Variants in AATK observed in about 807,000 individuals in gnomAD.
AATK encodes the protein lemur tail kinase 1, also known as serine/threonine-protein kinase LMTK1.
In AATK, 91 loss-of-function variants were observed where a neutral mutation model predicts 114.3. That is an observed-to-expected ratio of 0.80 (90% confidence interval 0.67 to 0.95). AATK has a LOEUF of 0.95. Among genes scored for constraint, AATK ranks in the 40% least tolerant of loss-of-function variants. The probability of loss-of-function intolerance (pLI) is 0.00; values close to 1 mark genes in which losing one functional copy is unlikely to be tolerated. For missense variants in AATK, 2,176 were observed against 1,965.2 expected, an observed-to-expected ratio of 1.11 and a Z score of -2.03; for synonymous variants, 1,075 against 916.5, an observed-to-expected ratio of 1.17 and a Z score of -3.12.
chr17:81,120,054 G>A lies in AATK; in HGVS notation c.3765C>T (p.Pro1255=). ...GGGGCGATTCCTTGGCGCCCGGGAA[G>A]GGCTCCCCGAGCTCCCGGGTGGGGC... ...QESPTRELGE[P]FPGAKESPPT... The change falls in exon 12 of 14, where the codon CCC becomes CCT. Residue 1255 remains proline, a synonymous_variant. Transcript: ENST00000326724. The A allele has an allele frequency of 6.9e-7, 1 of 1,457,474 alleles. No individual in the cohort carries two copies. The highest frequency in any genetic ancestry group is 1.4e-5 in the South Asian group (1 of 73,272). The allele number at this position is 1,457,474 out of a possible 1,614,324, so 90.3% of individuals were successfully genotyped here.
chr17:81,128,620 G>A (rs1258458174), intron 3 of AATK, 71 bp from the exon 4 acceptor site: 1 of 1,541,462 alleles, frequency 6.5e-7, no homozygotes, highest in Non-Finnish European at 8.8e-7. Flanking sequence ...CCCGGCCCCT[G>A]GAGGGGCTGC....
Position 81,119,965 on chromosome 17 carries a change from C to T in AATK, c.3854G>A (p.Gly1285Asp). ...TTCCGCTGTGGAGCCATTTGGGGAGCCATCAGCCTGCTGCGGCCGGTTGGG... is the reference window on the plus strand; with the variant it reads ...TTCCGCTGTGGAGCCATTTGGGGAGTCATCAGCCTGCTGCGGCCGGTTGGG... Reference protein sequence around the residue: ...SAPNRPQQADGSPNGSTAEEG... With the variant: ...SAPNRPQQADDSPNGSTAEEG... The change falls in exon 12 of 14, where the codon GGC (glycine) becomes GAC (aspartate). Residue 1285 changes from glycine to aspartate, a missense_variant. Transcript: ENST00000326724. 1 of 1,449,604 alleles carries T rather than the reference C, an allele frequency of 6.9e-7. No homozygotes were observed. 89.8% of individuals were successfully genotyped at this position (1,449,604 alleles called of 1,614,324 possible).
chr17:81,118,546 G>A, intron 13 of AATK, 104 bp from the exon 14 acceptor site: 2 of 1,222,882 alleles, frequency 1.6e-6, no homozygotes, highest in Non-Finnish European at 2.3e-6. Context: ...TACAGGCCGG[G>A]CCCCTTCCCT....
Position 81,165,989 on chromosome 17 carries a change from A to ACATGGCC in AATK, c.-4_3dup (p.Ser2GlyfsTer57), listed in dbSNP as rs1280421784. 1.6e-5 allele frequency: 25 copies of ACATGGCC among 1,577,676 alleles called. No individual in the cohort carries two copies. Among genetic ancestry groups the ACATGGCC allele is most frequent in the Non-Finnish European group, 2.1e-5 (25 of 1,164,234 alleles). ...AAGCTGGGGTTGAAGAAGGACGACGACATGGCCGGGCCAGCGGCCGGCGGG... is the reference window on the plus strand; with the variant it reads ...AAGCTGGGGTTGAAGAAGGACGACGACATGGCCCATGGCCGGGCCAGCGGCCGGCGGG... On this transcript the variant is annotated frameshift_variant, in exon 1 of 14. Coordinates refer to ENST00000326724, the MANE Select transcript of AATK (RefSeq NM_001080395.3). LOFTEE classifies it high-confidence loss of function.
chr17:81,124,694 G>A (rs200825644), intron 9 of AATK, 33 bp downstream of exon 9: 218 of 1,603,252 alleles, frequency 1.4e-4, no homozygotes, highest in Admixed American at 1.3e-3. Flanking sequence ...ACTCGGCCTC[G>A]GCCCCTCACG....
chr17:81,119,240 A>T, intron 13 of AATK, 140 bp downstream of exon 13: 1 of 231,478 alleles, frequency 4.3e-6, no homozygotes, highest in Non-Finnish European at 6.3e-6. Context: ...GGGGCCGGGA[A>T]GGAGCGGGGC....
At chr17:81,137,754 GCATA>G (rs1481869833) in intron 1 of AATK, among the ~76,000 whole-genome samples, 1 of 151,710 alleles carries the variant, frequency 6.6e-6, no homozygotes, top group African/African-American at 2.4e-5. Context: ...CACGTAGCAT[GCATA>G]CAACCATACG....
chr17:81,158,210 G>A (rs943342621), intron 1 of AATK, among the ~76,000 whole-genome samples: 25 of 152,236 alleles, frequency 1.6e-4, no homozygotes, highest in Admixed American at 3.3e-4. Context: ...CAAGCATCTC[G>A]CCAGACCCCG....
At chr17:81,142,334 G>A (rs2061151512) in intron 1 of AATK, among the ~76,000 whole-genome samples, 1 of 151,252 alleles carries the variant, frequency 6.6e-6, no homozygotes, top group African/African-American at 2.4e-5. Context: ...GCGCAGTGGT[G>A]CAATCACGGC....
Position 81,120,318 on chromosome 17 carries a change from G to A in AATK, c.3618C>T (p.Asn1206=), listed in dbSNP as rs1267319471. ...TGGGCATCTTGAGCAGGCTGCGCAG[G>A]TTGCGCGCGCTCTGGCTCTCAGCCA... ...VVVAESQSAR[N]LRSLLKMPSL... The change falls in exon 11 of 14, where the codon AAC becomes AAT. Residue 1206 remains asparagine (N), a synonymous_variant. Coordinates refer to ENST00000326724, the MANE Select transcript of AATK (RefSeq NM_001080395.3). 1 of 1,610,620 alleles carries A rather than the reference G, an allele frequency of 6.2e-7. No homozygotes were observed. The highest frequency in any genetic ancestry group is 1.3e-5 in the African/African-American group (1 of 74,942).
chr17:81,144,060 G>A (rs1160199845), intron 1 of AATK, among the ~76,000 whole-genome samples: 1 of 152,130 alleles, frequency 6.6e-6, no homozygotes, highest in Non-Finnish European at 1.5e-5. Flanking sequence ...GTGGCTCTCT[G>A]CCCCCACCCC....
chr17:81,131,340 G>C (rs1229694219), intron 2 of AATK, 135 bp from the exon 3 acceptor site: 13 of 1,214,282 alleles, frequency 1.1e-5, no homozygotes, highest in Non-Finnish European at 1.4e-5. Context: ...CAGAGTTGGA[G>C]CCACCGCCCC....
chr17:81,159,071 G>A (rs2061400510), intron 1 of AATK, among the ~76,000 whole-genome samples: 1 of 152,206 alleles, frequency 6.6e-6, no homozygotes, highest in Admixed American at 6.5e-5. Context: ...GGCAGGGGAT[G>A]GGGAGTGATG....
chr17:81,122,075 C>G lies in AATK; in HGVS notation c.1861G>C (p.Glu621Gln). The change falls in exon 11 of 14, where the codon GAG becomes CAG. Residue 621 changes from glutamate (E) to glutamine (Q), a missense_variant. Physicochemically the swap from Glu to Gln is conservative, Grantham distance 29. Transcript: ENST00000326724. Reference protein sequence around the residue: ...SPSAGPLSLAEGGAEDADWGV... With the variant: ...SPSAGPLSLAQGGAEDADWGV... ...CAGTCTGCATCCTCCGCTCCTCCCT[C>G]CGCCAGACTCAGGGGCCCCGCCGAG... 1.9e-6 allele frequency: 3 copies of G among 1,586,524 alleles called. No homozygotes were observed. Among genetic ancestry groups the G allele is most frequent in the South Asian group, 1.1e-5 (1 of 89,436 alleles).
intron 2 of AATK, chr17:81,131,914 T>C: frequency 7.5e-7 from 1 of 1,341,518 alleles, no homozygotes; most frequent in South Asian, 1.2e-5. Flanking sequence ...GCCACCGCCA[T>C]CTGCCCCAGC....
intron 1 of AATK, among the ~76,000 whole-genome samples, chr17:81,147,286 G>A (rs1401943574): frequency 3.3e-5 from 5 of 150,290 alleles, no homozygotes; most frequent in Non-Finnish European, 7.4e-5. Context: ...GCTTGAACCC[G>A]GAAGGCAGAG....
intron 1 of AATK, among the ~76,000 whole-genome samples, chr17:81,152,866 C>T (rs2061315237): frequency 6.7e-6 from 1 of 149,258 alleles, no homozygotes; most frequent in Non-Finnish European, 1.5e-5. Context: ...TTTTTGAGAC[C>T]AAGTCTCGCT....
chr17:81,124,611 C>A, intron 9 of AATK, 116 bp downstream of exon 9: 1 of 1,503,836 alleles, frequency 6.6e-7, no homozygotes, highest in Non-Finnish European at 8.9e-7. Context: ...GGCGTGTGGC[C>A]ACTACAGGTG....
rs761812456 is a variant in AATK, at chr17:81,131,097, C to T, written c.298G>A (p.Val100Ile). 2 of 1,557,664 alleles carry T rather than the reference C, an allele frequency of 1.3e-6. No individual in the cohort carries two copies. Among genetic ancestry groups the T allele is most frequent in the Admixed American group, 1.9e-5 (1 of 52,600 alleles). ...GGCTGCTTGGCCATGGGCAAGGAGA[C>T]CTCCGTGAGTGGCAGGACGTACACG... ...PDVYVLPLTE[V>I]SLPMAKQPGR... is the part of the protein sequence containing the mutation. Residue 100 changes from valine (V) to isoleucine (I), a missense_variant, in exon 3 of 14, where the codon GTC (valine) becomes ATC (isoleucine). Val to Ile is a conservative substitution (Grantham distance 29). Around this residue, in one of 4 missense-constraint regions of AATK, gnomAD observed 178 missense variants for 175.4 expected, o/e 1.01. Transcript: ENST00000326724.
Sources: allele counts gnomAD v4.1 joint callset (sites outside exome capture counted in the v4.1 genomes callset), GRCh38; gene constraint gnomAD v4.1.1; regional missense constraint gnomAD v4.1.1; transcripts MANE v1.5; gene names NCBI Gene and HGNC (gene_info 2026-07-23, HGNC 2026-07-21).